FOXN3: variants seen among roughly 807,000 people sequenced by gnomAD.
The protein encoded by FOXN3 is forkhead box protein N3.
In FOXN3, 7 loss-of-function variants were observed where a neutral mutation model predicts 38.4. That is an observed-to-expected ratio of 0.18 (90% confidence interval 0.10 to 0.34). The LOEUF is 0.34. FOXN3 is among the 10% of genes least tolerant of loss of function. The probability of loss-of-function intolerance (pLI) is 1.00; values close to 1 mark genes in which losing one functional copy is unlikely to be tolerated. For synonymous variants in FOXN3, 230 were observed against 242.2 expected (o/e 0.95, Z 0.47); for missense variants, 456 against 613.4 (o/e 0.74, Z 2.71).
chr14:89,582,878 G>A lies in FOXN3; in HGVS notation c.-15+36150C>T, dbSNP rs575959299. ...ACATATGTAATCATACAATATATAT[G>A]CTCTTTTCTGGTAGGGTTTCTTTTA... On this transcript the variant is annotated intron_variant, in intron 1 of 6. Transcript: ENST00000345097. Among the ~76,000 whole-genome samples, 25 of 152,146 alleles carry A rather than the reference G, an allele frequency of 1.6e-4. No homozygotes were observed. In the South Asian group the frequency reaches 4.6e-3, roughly 28 times the overall value.
chr14:89,511,734 A>G (rs1403348753), intron 1 of FOXN3, among the ~76,000 whole-genome samples: 1 of 152,168 alleles, frequency 6.6e-6, no homozygotes, highest in Non-Finnish European at 1.5e-5. Flanking sequence ...AGACTGGGTA[A>G]TTTATAAAGA....
intron 1 of FOXN3, among the ~76,000 whole-genome samples, chr14:89,497,924 T>G (rs1045299018): frequency 3.8e-5 from 2 of 52,660 alleles, no homozygotes; most frequent in South Asian, 4.7e-4. Flanking sequence ...GTTTGTTTGG[T>G]TTTTTTTTGA....
At chr14:89,495,940 A>C (rs903807615) in intron 1 of FOXN3, among the ~76,000 whole-genome samples, 2 of 152,028 alleles carry the variant, frequency 1.3e-5, no homozygotes, top group African/African-American at 4.8e-5. Context: ...GCATGCTCAC[A>C]ATGCAGTTGG....
chr14:89,345,511 T>TG (rs1888735872), intron 3 of FOXN3, among the ~76,000 whole-genome samples: 1 of 152,202 alleles, frequency 6.6e-6, no homozygotes, highest in Non-Finnish European at 1.5e-5. Context: ...CAATAGTTTT[T>TG]GGGGTACAGA....
Position 89,297,739 on chromosome 14 carries a change from A to T in FOXN3, c.681-16725T>A, listed in dbSNP as rs539622869. Among the ~76,000 whole-genome samples, 16 of 152,256 alleles carry T rather than the reference A, an allele frequency of 1.1e-4. No homozygotes were observed. The South Asian group carries it at 3.3e-3, about 32-fold the overall frequency. On this transcript the variant is annotated intron_variant, in intron 3 of 5. Transcript: ENST00000557258. ...ACGCCTATAATCCCAGCATTTTGGG[A>T]GGCCAAGGCAGGAGAATTGCTTGAG...
intron 1 of FOXN3, among the ~76,000 whole-genome samples, chr14:89,522,764 TA>T (rs554732338): frequency 7.4e-6 from 1 of 134,964 alleles, no homozygotes; most frequent in African/African-American, 2.7e-5. Flanking sequence ...GGAGATAAAG[TA>T]AAAAAAAAGA....
intron 4 of FOXN3, among the ~76,000 whole-genome samples, chr14:89,247,798 A>G (rs1472898383): frequency 6.6e-6 from 1 of 152,172 alleles, no homozygotes; most frequent in African/African-American, 2.4e-5. Context: ...TTCCCATCAC[A>G]ATTAGAATAA....
In FOXN3 at chr14:89,281,034, A is replaced by G; in HGVS notation, c.681-20T>C. The G allele has an allele frequency of 6.2e-7, 1 of 1,609,938 alleles. No homozygotes were observed. Among genetic ancestry groups the G allele is most frequent in the Non-Finnish European group, 8.5e-7 (1 of 1,177,668 alleles). On this transcript the variant is annotated intron_variant, in intron 3 of 5. Transcript: ENST00000557258. ...GATGTGCTGAAAGAGAAAAGAAACT[A>G]GCATAAGGCCAAGTTCATCTGCACT...
chr14:89,291,783 C>T (rs528240410), intron 3 of FOXN3, among the ~76,000 whole-genome samples: 3 of 152,278 alleles, frequency 2.0e-5, no homozygotes, highest in East Asian at 1.9e-4. Flanking sequence ...GACCTACGGC[C>T]GGATTTCTTA....
intron 5 of FOXN3, among the ~76,000 whole-genome samples, chr14:89,167,277 T>C (rs188140772): frequency 2.0e-5 from 3 of 152,368 alleles, no homozygotes; most frequent in African/African-American, 7.2e-5. Context: ...GTTTACGACA[T>C]GGCCATCTGC....
chr14:89,566,284 TA>T (rs913349958), intron 1 of FOXN3, among the ~76,000 whole-genome samples: 12 of 148,672 alleles, frequency 8.1e-5, no homozygotes, highest in African/African-American at 2.9e-4. Flanking sequence ...CAGAAAAGCC[TA>T]CAGAGGTATT....
In FOXN3 at chr14:89,252,134, C is replaced by G. The variant is rs117205730; in HGVS notation, c.745+28816G>C. ...CCTACAAAGTAGTGATTCTTATGCC[C>G]GTTTAACAAATGAAGAAACAGAGAT... is the stretch of plus-strand genomic sequence containing the variant. On this transcript the variant is annotated intron_variant, in intron 4 of 5. Coordinates refer to ENST00000557258, the MANE Select transcript of FOXN3 (RefSeq NM_005197.4). Among the ~76,000 whole-genome samples the G allele has an allele frequency of 2.2e-3, 337 of 152,200 alleles. 1 individual carries two copies. The highest frequency in any genetic ancestry group is 3.8e-3 in the Non-Finnish European group (259 of 68,024).
In FOXN3 at chr14:89,390,144, T is replaced by G. The variant is rs145547935; in HGVS notation, c.543+21790A>C. On this transcript the variant is annotated intron_variant, in intron 2 of 5. Transcript: ENST00000557258. ...GGGAGGCTGAGGTGGGAGGATTGCT[T>G]GAGCCTGGGACGTTGAGGCTGCTGT... Among the ~76,000 whole-genome samples the G allele has an allele frequency of 6.5e-3, 982 of 151,460 alleles. 13 individuals are homozygous for G. The highest frequency in any genetic ancestry group is 0.022 in the African/African-American group (911 of 41,306).
intron 1 of FOXN3, among the ~76,000 whole-genome samples, chr14:89,436,003 T>C (rs1892267926): frequency 9.5e-6 from 1 of 105,642 alleles, no homozygotes; most frequent in South Asian, 3.5e-4. Flanking sequence ...TCACTCATTT[T>C]TCTTTATTAT....
At chr14:89,405,288 C>T (rs1891359221) in intron 2 of FOXN3, among the ~76,000 whole-genome samples, 1 of 152,108 alleles carries the variant, frequency 6.6e-6, no homozygotes, top group Non-Finnish European at 1.5e-5. Context: ...AGGCGCCCGC[C>T]ACCAGACCCG....
intron 1 of FOXN3, among the ~76,000 whole-genome samples, chr14:89,519,667 G>A (rs1894279905): frequency 6.6e-6 from 1 of 152,162 alleles, no homozygotes; most frequent in Non-Finnish European, 1.5e-5. Context: ...ATTCCTCAAG[G>A]AAAAACAGGA....
chr14:89,220,107 T>C (rs986312420), intron 4 of FOXN3, among the ~76,000 whole-genome samples: 1 of 152,212 alleles, frequency 6.6e-6, no homozygotes, highest in Non-Finnish European at 1.5e-5. Context: ...TCCTTTCTTC[T>C]CATCACATTA....
At chr14:89,258,091 G>A (rs897969055) in intron 4 of FOXN3, among the ~76,000 whole-genome samples, 47 of 152,238 alleles carry the variant, frequency 3.1e-4, no homozygotes, top group Admixed American at 2.5e-3. Flanking sequence ...ACGCACTAGA[G>A]CCATGACAAA....
At chr14:89,369,477 T>C (rs1218940529) in intron 2 of FOXN3, among the ~76,000 whole-genome samples, 1 of 152,126 alleles carries the variant, frequency 6.6e-6, no homozygotes, top group Non-Finnish European at 1.5e-5. Flanking sequence ...TATGTTATGA[T>C]CCTACAGATA....
Sources: allele counts gnomAD v4.1 joint callset (sites outside exome capture counted in the v4.1 genomes callset), GRCh38; gene constraint gnomAD v4.1.1; transcripts MANE v1.5; gene names NCBI Gene and HGNC (gene_info 2026-07-23, HGNC 2026-07-21).